The following DIAPH2 variants were observed in gnomAD, a reference collection of about 807,000 sequenced individuals.
DIAPH2 encodes protein diaphanous homolog 2.
DIAPH2 carries 35 observed loss-of-function variants against 92.7 expected under a neutral mutation model. That is an observed-to-expected ratio of 0.38 (90% CI 0.29 to 0.50). The LOEUF (loss-of-function observed/expected upper bound fraction) is 0.50, where lower values mean the gene tolerates loss of function less well. Ranked by LOEUF, DIAPH2 falls within the 20% of genes least tolerant of loss-of-function variation. The pLI is 0.94. For missense variants in DIAPH2, 701 were observed against 819.5 expected (o/e 0.86, Z 1.77); for synonymous variants, 301 against 280.4 (o/e 1.07, Z -0.73).
chrX:96,884,191 T>TA (rs2065240469), intron 5 of DIAPH2: 1 of 558,113 alleles, frequency 1.8e-6, no homozygotes, highest in Non-Finnish European at 2.8e-6. Context: ...ATCGTAGCCT[T>TA]TCGGACAGCT....
At chrX:97,500,763 G>GATATATATATATATAT (rs56041649) in intron 26 of DIAPH2, among the ~76,000 whole-genome samples, 1 of 60,113 alleles carries the variant, frequency 1.7e-5, no homozygotes, top group Non-Finnish European at 3.1e-5. Context: ...CATTCAAGGA[G>GATATATATATATATAT]ATATATATAT....
chrX:96,939,601 TAC>T (rs774399164), intron 12 of DIAPH2, among the ~76,000 whole-genome samples: 16 of 62,214 alleles, frequency 2.6e-4, no homozygotes, highest in East Asian at 9.8e-4. Flanking sequence ...TGTGTGTATA[TAC>T]ACACACACAC....
At chrX:97,152,080 T>C (rs2067289716) in intron 22 of DIAPH2, among the ~76,000 whole-genome samples, 1 of 111,834 alleles carries the variant, frequency 8.9e-6, no homozygotes. Flanking sequence ...GTTACCATTA[T>C]TGTAGTTTTC....
chrX:96,741,879 C>T (rs896963527), intron 3 of DIAPH2, among the ~76,000 whole-genome samples: 1 of 111,867 alleles, frequency 8.9e-6, no homozygotes, highest in Non-Finnish European at 1.9e-5. Flanking sequence ...CAACATTCAT[C>T]TTGTTTTCCT....
At chrX:97,170,136 A>G in intron 22 of DIAPH2, among the ~76,000 whole-genome samples, 1 of 111,669 alleles carries the variant, frequency 9.0e-6, no homozygotes, top group Middle Eastern at 4.6e-3. Context: ...TAGGGACACC[A>G]AGAAAGCAGT....
chrX:97,507,911 C>A (rs904827610), intron 26 of DIAPH2, among the ~76,000 whole-genome samples: 1 of 111,060 alleles, frequency 9.0e-6, no homozygotes, highest in Non-Finnish European at 1.9e-5. Context: ...GGAAAGGAAT[C>A]CAGAGTGGGA....
chrX:97,384,868 AAAATAAATAAAT>A (rs545581528), intron 25 of DIAPH2, among the ~76,000 whole-genome samples: 110 of 107,793 alleles, frequency 1.0e-3, no homozygotes, highest in Non-Finnish European at 1.7e-3. Context: ...TGTATCTCAA[AAAATAAATAAAT>A]AAATAAATAA....
intron 22 of DIAPH2, among the ~76,000 whole-genome samples, chrX:97,143,263 T>G (rs2067220250): frequency 9.0e-6 from 1 of 111,053 alleles, no homozygotes; most frequent in South Asian, 3.7e-4. Context: ...AATAACATTT[T>G]AAACATTTGT....
intron 4 of DIAPH2, among the ~76,000 whole-genome samples, chrX:96,794,357 G>A (rs772794386): frequency 6.6e-4 from 73 of 111,134 alleles, no homozygotes; most frequent in African/African-American, 2.3e-3. Flanking sequence ...AACAAAGTAG[G>A]CATTCAAGAA....
intron 22 of DIAPH2, 71 bp downstream of exon 22, chrX:97,141,865 G>A: frequency 9.5e-7 from 1 of 1,051,640 alleles, no homozygotes. Flanking sequence ...TAAAGAATCT[G>A]TAAACATTAT....
intron 17 of DIAPH2, among the ~76,000 whole-genome samples, chrX:96,999,239 G>A (rs1194449943): frequency 9.0e-6 from 1 of 111,076 alleles, no homozygotes; most frequent in Non-Finnish European, 1.9e-5. Flanking sequence ...GATTGGCTGG[G>A]CACGGTGGCT....
chrX:97,547,515 A>G (rs1365604481), intron 26 of DIAPH2, among the ~76,000 whole-genome samples: 1 of 112,314 alleles, frequency 8.9e-6, no homozygotes, highest in Non-Finnish European at 1.9e-5. Flanking sequence ...TCAAACAGAC[A>G]TAATAAAAAC....
At chrX:97,578,277 G>A (rs1241853120) in intron 26 of DIAPH2, among the ~76,000 whole-genome samples, 1 of 107,882 alleles carries the variant, frequency 9.3e-6, no homozygotes, top group Non-Finnish European at 1.9e-5. Flanking sequence ...CCACTAACTC[G>A]TCATCTAGCA....
intron 15 of DIAPH2, among the ~76,000 whole-genome samples, chrX:96,952,341 T>C (rs1222565542): frequency 2.7e-5 from 3 of 111,889 alleles, no homozygotes; most frequent in African/African-American, 9.7e-5. Flanking sequence ...GGGTAACCTT[T>C]CCATGATCTT....
intron 25 of DIAPH2, among the ~76,000 whole-genome samples, chrX:97,411,278 T>C (rs2069869970): frequency 8.9e-6 from 1 of 111,925 alleles, no homozygotes; most frequent in African/African-American, 3.2e-5. Context: ...AATTTTCAAC[T>C]TAGAATTTCA....
At chrX:97,340,415 C>T (rs1050327897) in intron 23 of DIAPH2, among the ~76,000 whole-genome samples, 2 of 110,991 alleles carry the variant, frequency 1.8e-5, no homozygotes, top group Non-Finnish European at 3.8e-5. Context: ...AGTCTTAACC[C>T]CAAGTGAGGA....
intron 4 of DIAPH2, among the ~76,000 whole-genome samples, chrX:96,824,042 C>T (rs1445973376): frequency 9.1e-6 from 1 of 109,672 alleles, no homozygotes; most frequent in Non-Finnish European, 1.9e-5. Context: ...CCTTTCCCTC[C>T]ACACTCTGAT....
At chrX:97,366,536 C>T (rs2069383149) in intron 24 of DIAPH2, among the ~76,000 whole-genome samples, 1 of 111,873 alleles carries the variant, frequency 8.9e-6, no homozygotes, top group South Asian at 3.8e-4. Context: ...TCTCATTTGT[C>T]AGCCTTTGTG....
intron 25 of DIAPH2, among the ~76,000 whole-genome samples, chrX:97,419,410 G>A (rs147869145): frequency 0.012 from 1,322 of 112,486 alleles, 19 homozygotes; most frequent in African/African-American, 0.04. Flanking sequence ...GATCTTGGCT[G>A]TGTTTCCATA....
Sources: gnomAD v4.1 joint callset for allele counts (sites outside exome capture counted in the v4.1 genomes callset) on GRCh38, gnomAD v4.1.1 for gene constraint, MANE v1.5 for transcripts, NCBI Gene and HGNC (gene_info 2026-07-23, HGNC 2026-07-21) for gene names.